Variants in MGA observed in about 807,000 individuals in gnomAD.
MGA encodes MAX gene-associated protein.
MGA carries 40 observed loss-of-function variants against 261.1 expected under a neutral mutation model. The observed-to-expected ratio is 0.15, with a 90% confidence interval of 0.12 to 0.20. The LOEUF is 0.20. MGA is among the 10% of genes least tolerant of loss of function. MGA has a pLI of 1.00. For synonymous variants in MGA, 1,302 were observed against 1,290.6 expected (o/e 1.01, Z -0.19); for missense variants, 3,397 against 3,630.5 (o/e 0.94, Z 1.65).
chr15:41,635,447 C>T (rs534385525), intron 1 of MGA, among the ~76,000 whole-genome samples: 4 of 152,230 alleles, frequency 2.6e-5, no homozygotes, highest in Non-Finnish European at 4.4e-5. Flanking sequence ...CGGTGGCTCA[C>T]GCCAGTAATC....
At chr15:41,764,858 T>C (rs1255841127) in intron 22 of MGA, 28 bp from the exon 23 acceptor site, 2 of 1,611,654 alleles carry the variant, frequency 1.2e-6, no homozygotes, top group Non-Finnish European at 1.7e-6. Context: ...GCCTTTTATC[T>C]ATAACTAATT....
At chr15:41,689,917 T>C (rs886712535) in intron 2 of MGA, among the ~76,000 whole-genome samples, 4 of 152,226 alleles carry the variant, frequency 2.6e-5, no homozygotes, top group Non-Finnish European at 5.9e-5. Context: ...AATTGAGATA[T>C]AATTCACATA....
Position 41,749,254 on chromosome 15 carries a change from G to C in MGA, c.5647G>C (p.Ala1883Pro), listed in dbSNP as rs370050031. Residue 1883 changes from alanine (A) to proline (P), a missense_variant, in exon 17 of 24, where the codon GCA (alanine) becomes CCA (proline). Ala to Pro is a conservative substitution (Grantham distance 27, BLOSUM62 -1). Transcript: ENST00000219905. ...TTCAGCAGTGAATGTTATCACTCAG[G>C]CACCATCATTGCTTTCCTCTGGAGC... The C allele has an allele frequency of 3.0e-5, 48 of 1,613,870 alleles. No homozygotes were observed. In the African/African-American group the frequency reaches 5.5e-4, roughly 18 times the overall value.
chr15:41,688,290 G>GT (rs2059076113), intron 2 of MGA, among the ~76,000 whole-genome samples: 1 of 152,130 alleles, frequency 6.6e-6, no homozygotes, highest in Non-Finnish European at 1.5e-5. Flanking sequence ...TGCCCAGGCT[G>GT]GTCTTGAACT....
In MGA at chr15:41,749,756, A is replaced by T. The variant is rs777702236; in HGVS notation, c.6149A>T (p.His2050Leu). Residue 2050 changes from histidine (H) to leucine (L), a missense_variant, in exon 17 of 24, where the codon CAT (histidine) becomes CTT (leucine). Around this residue, in one of 9 missense-constraint regions of MGA, gnomAD observed 1,410 missense variants for 1,386.4 expected, o/e 1.02. Transcript: ENST00000219905. ...TGTGCAACTGTCAAACCATCTGAGC[A>T]TTCCTGTATCACTGGGTCACATACA... The T allele has an allele frequency of 1.2e-6, 2 of 1,614,038 alleles. No homozygotes were observed. The highest frequency in any genetic ancestry group is 2.2e-5 in the South Asian group (2 of 91,082).
intron 7 of MGA, among the ~76,000 whole-genome samples, chr15:41,709,782 A>AT (rs1418312452): frequency 1.3e-5 from 1 of 79,108 alleles, no homozygotes; most frequent in Non-Finnish European, 2.7e-5. Context: ...GCCTGCTTTA[A>AT]TTTCTTTTTT....
At chr15:41,670,591 C>T (rs1426027950) in intron 2 of MGA, among the ~76,000 whole-genome samples, 3 of 152,060 alleles carry the variant, frequency 2.0e-5, no homozygotes, top group Admixed American at 6.5e-5. Flanking sequence ...CTGCAAGCTC[C>T]GCCTCCTGGG....
At position 41,710,720 on chromosome 15, in the gene MGA, C is replaced by T; in HGVS notation, c.2455C>T (p.Arg819Cys). The T allele has an allele frequency of 6.2e-7, 1 of 1,601,920 alleles. No individual in the cohort carries two copies. Among genetic ancestry groups the T allele is most frequent in the South Asian group, 1.1e-5 (1 of 88,582 alleles). Residue 819 changes from arginine to cysteine, a missense_variant, in exon 8 of 24, where the codon CGT becomes TGT. Arg to Cys is a radical substitution (Grantham distance 180, BLOSUM62 -3). This residue lies in a region of MGA where 519 missense variants were observed against 554.1 expected (regional missense o/e 0.94). Transcript: ENST00000219905. ...AAATTCAGAAAGTTCACTGAAAAAT[C>T]GTTCTGCTTTCTGTAGTGATAAGCT...
At chr15:41,736,073 G>A in intron 12 of MGA, 108 bp from the exon 13 acceptor site, 2 of 1,011,010 alleles carry the variant, frequency 2.0e-6, no homozygotes, top group African/African-American at 1.6e-5. Context: ...AGTTACTACT[G>A]TGAAAGAACG....
At chr15:41,674,280 C>A (rs2058250879) in intron 2 of MGA, among the ~76,000 whole-genome samples, 1 of 152,096 alleles carries the variant, frequency 6.6e-6, no homozygotes, top group Non-Finnish European at 1.5e-5. Context: ...CACTGCACTT[C>A]TGCCTCCCAG....
At chr15:41,651,831 TCCCCCTCTCCTC>T (rs2057065904) in intron 1 of MGA, among the ~76,000 whole-genome samples, 2 of 28,892 alleles carry the variant, frequency 6.9e-5, no homozygotes, top group Non-Finnish European at 1.3e-4. Context: ...TCCTCTCCCC[TCCCCCTCTCCTC>T]TCCCCTCTTT....
At chr15:41,670,041 G>C in intron 2 of MGA, 83 bp downstream of exon 2, 2 of 1,090,642 alleles carry the variant, frequency 1.8e-6, no homozygotes, top group Non-Finnish European at 2.6e-6. Flanking sequence ...TGGTTCTGTG[G>C]AATGCTACAG....
chr15:41,707,494 A>C (rs1046602695), intron 5 of MGA, among the ~76,000 whole-genome samples: 2 of 152,182 alleles, frequency 1.3e-5, no homozygotes, highest in African/African-American at 4.8e-5. Flanking sequence ...TGCCTACCAT[A>C]GTCGGGGTGA....
intron 1 of MGA, among the ~76,000 whole-genome samples, chr15:41,637,025 T>C (rs780012809): frequency 3.9e-5 from 6 of 152,072 alleles, no homozygotes; most frequent in Non-Finnish European, 7.4e-5. Flanking sequence ...GACAATCATA[T>C]CTTGCTCTGG....
chr15:41,698,898 A>G lies in MGA; in HGVS notation c.2049A>G (p.Thr683=), dbSNP rs2059687526. 1.3e-6 allele frequency: 2 copies of G among 1,550,170 alleles called. No individual in the cohort carries two copies. The highest frequency in any genetic ancestry group is 1.7e-6 in the Non-Finnish European group (2 of 1,146,820). The change falls in exon 4 of 24, where the codon ACA becomes ACG. Residue 683 remains threonine (T), a synonymous_variant. Coordinates refer to ENST00000219905, the MANE Select transcript of MGA (RefSeq NM_001164273.2). ...ACATTCATGCAGTTGATGGGACAACAGAAGAATCTTCTAGTCTCCAGGCAT... is the reference window on the plus strand; with the variant it reads ...ACATTCATGCAGTTGATGGGACAACGGAAGAATCTTCTAGTCTCCAGGCAT...
chr15:41,673,967 C>T (rs1023966480), intron 2 of MGA, among the ~76,000 whole-genome samples: 3 of 151,910 alleles, frequency 2.0e-5, no homozygotes, highest in Non-Finnish European at 4.4e-5. Context: ...TCTCGACTCA[C>T]GGAAACCTCC....
upstream of MGA, among the ~76,000 whole-genome samples, chr15:41,660,048 CGGAGCCGGCGA>C (rs1390306073): frequency 2.6e-5 from 4 of 152,138 alleles, no homozygotes; most frequent in Non-Finnish European, 4.4e-5. Context: ...GCGGCCGGGG[CGGAGCCGGCGA>C]GGAGCCCTAG....
In MGA at chr15:41,750,280, C is replaced by A. The variant is rs1243618210; in HGVS notation, c.6673C>A (p.Leu2225Ile). 1.9e-6 allele frequency: 3 copies of A among 1,613,964 alleles called. No individual in the cohort carries two copies. The highest frequency in any genetic ancestry group is 3.3e-5 in the Admixed American group (2 of 60,014). ...GCAAGAACAAGGCATCTCTGACTTA[C>A]TTGGAAAAAGTGGAATTACTGAAGA... Residue 2225 changes from leucine (L) to isoleucine (I), a missense_variant, in exon 17 of 24, where the codon CTT (leucine) becomes ATT (isoleucine). By Grantham distance (5) the Leu-to-Ile change is conservative. Coordinates refer to ENST00000219905, the MANE Select transcript of MGA (RefSeq NM_001164273.2).
At chr15:41,735,309 A>C (rs186171301) in intron 12 of MGA, among the ~76,000 whole-genome samples, 24 of 152,306 alleles carry the variant, frequency 1.6e-4, no homozygotes, top group African/African-American at 5.8e-4. Context: ...TCTAGTCAAC[A>C]TGTTGCCATG....
Sources: gnomAD v4.1 joint callset for allele counts (sites outside exome capture counted in the v4.1 genomes callset) on GRCh38, gnomAD v4.1.1 for gene constraint, gnomAD v4.1.1 regional missense constraint, MANE v1.5 for transcripts, NCBI Gene and HGNC (gene_info 2026-07-23, HGNC 2026-07-21) for gene names.